SBNO1: variants seen among roughly 807,000 people sequenced by gnomAD.
SBNO1 encodes the protein strawberry notch homolog 1, also known as protein strawberry notch homolog 1.
Under a neutral mutation model 173.6 loss-of-function variants are expected in SBNO1, and 23 were observed. The ratio of observed to expected loss-of-function variants is 0.13; its 90% confidence interval spans 0.10 to 0.19. The LOEUF is 0.19. SBNO1 is among the 10% of genes least tolerant of loss of function. The pLI, the probability that SBNO1 is intolerant of heterozygous loss-of-function variation, is 1.00. For synonymous variants in SBNO1, 632 were observed against 571.5 expected (o/e 1.11, Z -1.51); for missense variants, 1,238 against 1,671.2 (o/e 0.74, Z 4.52).
At chr12:123,363,158 G>C (rs764416822) in intron 1 of SBNO1, among the ~76,000 whole-genome samples, 1 of 152,048 alleles carries the variant, frequency 6.6e-6, no homozygotes, top group Non-Finnish European at 1.5e-5. Flanking sequence ...ATAAAAAGCA[G>C]AAGCCAGAGA....
intron 29 of SBNO1, among the ~76,000 whole-genome samples, chr12:123,304,135 G>A (rs1287502482): frequency 6.6e-6 from 1 of 151,948 alleles, no homozygotes; most frequent in Non-Finnish European, 1.5e-5. Flanking sequence ...TTCGCCATAT[G>A]GGCCAGGCTG....
rs2048578542 is a variant in SBNO1 at position 123,295,548 on chromosome 12, T to C, written c.*360A>G. 5.0e-6 allele frequency: 1 copy of C among 200,964 alleles called. No homozygotes were observed. Among genetic ancestry groups the C allele is most frequent in the Non-Finnish European group, 1.0e-5 (1 of 97,022 alleles). The allele number at this position is 200,964 out of a possible 1,614,324, so 12.4% of individuals were successfully genotyped here. A position where few individuals can be genotyped will look rare whatever the true frequency, so the allele number is the denominator to read the frequency against. On this transcript the variant is annotated 3_prime_UTR_variant, in exon 32 of 32. Coordinates refer to ENST00000602398, the MANE Select transcript of SBNO1 (RefSeq NM_001167856.3). ...GTTAACCCTGAGCACTGTATAAACA[T>C]AAAGTAAAGCCAGTTTGGGAAGTTC...
intron 5 of SBNO1, among the ~76,000 whole-genome samples, chr12:123,338,029 T>C (rs369221321): frequency 6.6e-6 from 1 of 152,060 alleles, no homozygotes; most frequent in South Asian, 2.1e-4. Context: ...TGACATCAAA[T>C]TTAGGTCAAA....
chr12:123,364,326 G>C (rs1283970828), intron 1 of SBNO1: 1 of 984,702 alleles, frequency 1.0e-6, no homozygotes. Flanking sequence ...CGCAGCCCCC[G>C]GGTTGTGAGG....
intron 15 of SBNO1, among the ~76,000 whole-genome samples, chr12:123,324,719 G>A (rs193268184): frequency 2.4e-4 from 36 of 152,254 alleles, no homozygotes; most frequent in South Asian, 6.2e-4. Context: ...TGGAGGTTAG[G>A]CAAACTAAAA....
chr12:123,346,795 G>A (rs191393355), intron 3 of SBNO1, among the ~76,000 whole-genome samples: 1 of 151,084 alleles, frequency 6.6e-6, no homozygotes, highest in East Asian at 2.0e-4. Context: ...TATCTTTGTG[G>A]GGCTGGGAGC....
chr12:123,350,577 G>T, intron 1 of SBNO1, 136 bp from the exon 2 acceptor site: 1 of 711,308 alleles, frequency 1.4e-6, no homozygotes, highest in South Asian at 1.8e-5. Flanking sequence ...CCATGTCTCA[G>T]ACAAAGAGGA....
intron 2 of SBNO1, 69 bp downstream of exon 2, chr12:123,350,241 G>A: frequency 6.3e-7 from 1 of 1,577,266 alleles, no homozygotes; most frequent in Non-Finnish European, 8.7e-7. Context: ...GCCACAGAGT[G>A]AGACTATCTT....
intron 17 of SBNO1, 33 bp from the exon 18 acceptor site, chr12:123,320,899 T>C: frequency 6.8e-7 from 1 of 1,464,682 alleles, no homozygotes. Flanking sequence ...TGTCAAATCA[T>C]TTGTTAAAAC....
chr12:123,348,856 A>AGGC (rs1873538668), intron 2 of SBNO1: 2 of 151,864 alleles, frequency 1.3e-5, no homozygotes, highest in Admixed American at 1.3e-4. Flanking sequence ...GCTACTCGGG[A>AGGC]GGCTGAGGTG....
At position 123,320,808 on chromosome 12, in the gene SBNO1, A is replaced by C. The variant is rs1255788893; in HGVS notation, c.2382T>G (p.Ser794Arg). ...CACTTTGAATAGAATCTGGATCTATACTTTTCTTCTTTTTTTTCTCTTTGT... is the reference window on the plus strand; with the variant it reads ...CACTTTGAATAGAATCTGGATCTATCCTTTTCTTCTTTTTTTTCTCTTTGT... Reference protein sequence around the residue: ...KKNKEKKKKKSIDPDSIQSAL... With the variant: ...KKNKEKKKKKRIDPDSIQSAL... Residue 794 changes from serine to arginine, a missense_variant, in exon 18 of 32, where the codon AGT becomes AGG. Transcript: ENST00000602398. 6.2e-7 allele frequency: 1 copy of C among 1,600,024 alleles called. No homozygotes were observed. The highest frequency in any genetic ancestry group is 8.5e-7 in the Non-Finnish European group (1 of 1,174,474).
chr12:123,298,196 A>G (rs763527448), intron 30 of SBNO1, 25 bp from the exon 31 acceptor site: 11 of 1,601,304 alleles, frequency 6.9e-6, no homozygotes, highest in African/African-American at 2.7e-5. Flanking sequence ...AAAGAAATAC[A>G]TATGAGTGTC....
chr12:123,338,291 G>A (rs1472768462), intron 5 of SBNO1, among the ~76,000 whole-genome samples: 2 of 121,484 alleles, frequency 1.6e-5, no homozygotes, highest in East Asian at 2.2e-4. Context: ...GGTGGCTCAC[G>A]CCTGTAATCC....
chr12:123,334,339 G>C (rs1871579316), intron 6 of SBNO1, 126 bp from the exon 7 acceptor site: 2 of 632,850 alleles, frequency 3.2e-6, no homozygotes, highest in Non-Finnish European at 5.3e-6. Context: ...TTCACTCTGA[G>C]CTTCCATAAA....
At chr12:123,304,278 G>A (rs776219882) in intron 29 of SBNO1, among the ~76,000 whole-genome samples, 21 of 151,840 alleles carry the variant, frequency 1.4e-4, no homozygotes, top group South Asian at 1.0e-3. Context: ...CTTGTTGCCC[G>A]GGCTGGAGAG....
intron 21 of SBNO1, 40 bp from the exon 22 acceptor site, chr12:123,315,700 C>T (rs372566982): frequency 9.9e-6 from 11 of 1,106,112 alleles, no homozygotes; most frequent in South Asian, 3.7e-5. Flanking sequence ...TGATTGTGTT[C>T]GCTGGACAGA....
chr12:123,358,116 G>A (rs1022287901), intron 1 of SBNO1, among the ~76,000 whole-genome samples: 1 of 152,176 alleles, frequency 6.6e-6, no homozygotes, highest in Non-Finnish European at 1.5e-5. Context: ...CTTAGAGACT[G>A]GACCCAAGTC....
chr12:123,309,986 C>A (rs2049012991), intron 25 of SBNO1, 130 bp from the exon 26 acceptor site: 1 of 695,840 alleles, frequency 1.4e-6, no homozygotes, highest in Non-Finnish European at 2.4e-6. Context: ...GTCCTCACAA[C>A]AAGGCTGTAA....
chr12:123,298,225 C>T (rs184134989), intron 30 of SBNO1, 54 bp from the exon 31 acceptor site: 35 of 1,480,852 alleles, frequency 2.4e-5, no homozygotes, highest in South Asian at 2.5e-5. Flanking sequence ...CACACAGACA[C>T]GTTTCTAAAA....
Sources: allele counts gnomAD v4.1 joint callset (sites outside exome capture counted in the v4.1 genomes callset), GRCh38; gene constraint gnomAD v4.1.1; transcripts MANE v1.5; gene names NCBI Gene and HGNC (gene_info 2026-07-23, HGNC 2026-07-21).